Variants in ZBTB21 observed in about 807,000 individuals in gnomAD.
ZBTB21 encodes the protein zinc finger and BTB domain-containing protein 21.
ZBTB21 carries 10 observed loss-of-function variants against 39.8 expected under a neutral mutation model. That is an observed-to-expected ratio of 0.25 (90% CI 0.16 to 0.43). The LOEUF is 0.43. Ranked by LOEUF, ZBTB21 falls within the 20% of genes least tolerant of loss-of-function variation. The probability of loss-of-function intolerance (pLI) is 1.00; values close to 1 mark genes in which losing one functional copy is unlikely to be tolerated. For synonymous variants in ZBTB21, 551 were observed against 498.8 expected (o/e 1.10, Z -1.40); for missense variants, 1,221 against 1,296.3 (o/e 0.94, Z 0.89).
rs759024390 is a variant in ZBTB21, at chr21:42,007,546, T to C, written c.-79+2706A>G. ...GGCTAACTTCTTTCGAAAGATCCAG[T>C]TGAAATGTCACCGACTCTACAAAGC... is the stretch of plus-strand genomic sequence containing the variant. On this transcript the variant is annotated intron_variant, in intron 1 of 2. Transcript: ENST00000310826. 5.8e-4 allele frequency among the ~76,000 whole-genome samples: 89 copies of C among 152,328 alleles called. 1 individual carries two copies. Among genetic ancestry groups the C allele is most frequent in the Non-Finnish European group, 8.7e-4 (59 of 68,022 alleles).
Position 41,992,222 on chromosome 21 carries a change from A to G in ZBTB21, c.1874T>C (p.Ile625Thr). ...DEKFQRKLIDIVREREIKKAL... is the reference protein window; with the variant it reads ...DEKFQRKLIDTVREREIKKAL... ...CTTCTTAATTTCTCTCTCTCTCACT[A>G]TGTCAATCAGCTTTCTTTGGAATTT... Residue 625 changes from isoleucine (I) to threonine (T), a missense_variant, in exon 3 of 3, where the codon ATA (isoleucine) becomes ACA (threonine). Coordinates refer to ENST00000310826, the MANE Select transcript of ZBTB21 (RefSeq NM_001098402.2). This position sits in a 1 kb window ranked among gnomAD's most constrained non-coding sequence, Gnocchi z 4.1. 4 of 1,614,078 alleles carry G rather than the reference A, an allele frequency of 2.5e-6. No homozygotes were observed. Among genetic ancestry groups the G allele is most frequent in the Non-Finnish European group, 3.4e-6 (4 of 1,180,020 alleles).
chr21:42,009,702 G>A (rs2065933938), intron 1 of ZBTB21: 3 of 152,790 alleles, frequency 2.0e-5, no homozygotes, highest in Admixed American at 2.0e-4. Flanking sequence ...CCGGCCACCG[G>A]GCCGAGGACG....
rs538355517 is a variant in ZBTB21 at position 41,992,517 on chromosome 21, A to G, written c.1579T>C (p.Ser527Pro). 10 of 1,614,168 alleles carry G rather than the reference A, an allele frequency of 6.2e-6. No homozygotes were observed. In the African/African-American group the frequency reaches 1.2e-4, roughly 19 times the overall value. Residue 527 changes from serine (S) to proline (P), a missense_variant, in exon 3 of 3, where the codon TCT (serine) becomes CCT (proline). Physicochemically the swap from Ser to Pro is moderately conservative, Grantham distance 74. This residue lies in a region of ZBTB21 where 90 missense variants were observed against 133.1 expected (regional missense o/e 0.68). Coordinates refer to ENST00000310826, the MANE Select transcript of ZBTB21 (RefSeq NM_001098402.2). The surrounding 1 kb of genome is among the most constrained non-coding windows in gnomAD (Gnocchi z 4.1). The stretch of plus-strand genomic sequence containing the variant: ...CCAAATTCGTCTTTATTCAAATCAG[A>G]ATCTGGAAAATCTGCATCAAGGAGA... ...PTLLDADFPD[S>P]DLNKDEFGEL...
intron 2 of ZBTB21, among the ~76,000 whole-genome samples, chr21:41,998,357 A>G (rs770353079): frequency 6.6e-6 from 1 of 151,354 alleles, no homozygotes; most frequent in African/African-American, 2.4e-5. Flanking sequence ...ACGCCCAGCT[A>G]ATTTTTGTAT....
At chr21:41,995,722 G>C (rs376418682) in intron 2 of ZBTB21, among the ~76,000 whole-genome samples, 24 of 152,236 alleles carry the variant, frequency 1.6e-4, no homozygotes, top group African/African-American at 5.1e-4. Flanking sequence ...TCAGACCTTT[G>C]CAGCAGCCCC....
intron 2 of ZBTB21, among the ~76,000 whole-genome samples, chr21:41,997,594 AAAAC>A (rs2065765508): frequency 7.2e-6 from 1 of 137,956 alleles, no homozygotes; most frequent in Non-Finnish European, 1.6e-5. Flanking sequence ...AAAAAACAAA[AAAAC>A]AAAAAAACAA....
At chr21:41,995,387 G>C (rs139338856) in intron 2 of ZBTB21, among the ~76,000 whole-genome samples, 3,348 of 152,308 alleles carry the variant, frequency 0.022, 65 homozygotes, top group Non-Finnish European at 0.033. Flanking sequence ...GACTCGTTAT[G>C]TTTTAGCAAA....
In ZBTB21 at chr21:41,990,433, G is replaced by A. The variant is rs2146271816; in HGVS notation, c.*462C>T. On this transcript the variant is annotated 3_prime_UTR_variant, in exon 3 of 3. Coordinates refer to ENST00000310826, the MANE Select transcript of ZBTB21 (RefSeq NM_001098402.2). The stretch of plus-strand genomic sequence containing the variant: ...ATCTTTTATTGCTAAAGTAGTCTAA[G>A]ATATAAATCAATACTGCAAACTACT... 1 of 152,868 alleles carries A rather than the reference G, an allele frequency of 6.5e-6. No homozygotes were observed. The highest frequency in any genetic ancestry group is 1.5e-5 in the Non-Finnish European group (1 of 68,138). 9.5% of individuals were successfully genotyped at this position (152,868 alleles called of 1,614,324 possible). A position where few individuals can be genotyped will look rare whatever the true frequency, so the allele number is the denominator to read the frequency against.
chr21:41,999,114 A>T (rs940252886), intron 2 of ZBTB21, among the ~76,000 whole-genome samples: 2 of 152,224 alleles, frequency 1.3e-5, no homozygotes, highest in Admixed American at 1.3e-4. Flanking sequence ...TGTTACACGT[A>T]TTGACTCAGC....
At position 41,993,237 on chromosome 21, in the gene ZBTB21, C is replaced by G. The variant is rs775456657; in HGVS notation, c.859G>C (p.Glu287Gln). Residue 287 changes from glutamate (E) to glutamine (Q), a missense_variant, in exon 3 of 3, where the codon GAG becomes CAG. Transcript: ENST00000310826. ...PPVLSVCSSS[E>Q]TPYLLKETNK... ...GTTTCTTTTAATAGATAGGGAGTCT[C>G]TGATGAGCTACAAACAGACAAAACA... The G allele has an allele frequency of 9.9e-6, 16 of 1,611,662 alleles. No individual in the cohort carries two copies. The highest frequency in any genetic ancestry group is 1.4e-5 in the Non-Finnish European group (16 of 1,180,020).
In ZBTB21 at chr21:41,992,209, T is replaced by C. The variant is rs2065670875; in HGVS notation, c.1887A>G (p.Arg629=). 2.5e-6 allele frequency: 4 copies of C among 1,614,132 alleles called. No individual in the cohort carries two copies. The highest frequency in any genetic ancestry group is 3.4e-6 in the Non-Finnish European group (4 of 1,180,008). ...TAATGATCAGGGCCTTCTTAATTTC[T>C]CTCTCTCTCACTATGTCAATCAGCT... ...QRKLIDIVRE[R]EIKKALIIKL... The change falls in exon 3 of 3, where the codon AGA becomes AGG. Residue 629 remains arginine, a synonymous_variant. Coordinates refer to ENST00000310826, the MANE Select transcript of ZBTB21 (RefSeq NM_001098402.2). This position sits in a 1 kb window ranked among gnomAD's most constrained non-coding sequence, Gnocchi z 4.1.
chr21:42,008,813 T>C (rs1379435372), intron 1 of ZBTB21, among the ~76,000 whole-genome samples: 1 of 152,212 alleles, frequency 6.6e-6, no homozygotes, highest in African/African-American at 2.4e-5. Flanking sequence ...TACTTTTAAG[T>C]AAACCAGCAC....
rs1382548175 is a variant in ZBTB21, at chr21:41,990,183, G to T, written c.*712C>A. The T allele has an allele frequency of 6.6e-6, 1 of 152,418 alleles. No homozygotes were observed. The highest frequency in any genetic ancestry group is 2.4e-5 in the African/African-American group (1 of 41,396). The allele number at this position is 152,418 out of a possible 1,614,324, so 9.4% of individuals were successfully genotyped here. A position where few individuals can be genotyped will look rare whatever the true frequency, so the allele number is the denominator to read the frequency against. On this transcript the variant is annotated 3_prime_UTR_variant, in exon 3 of 3. Coordinates refer to ENST00000310826, the MANE Select transcript of ZBTB21 (RefSeq NM_001098402.2). The stretch of plus-strand genomic sequence containing the variant: ...GAAGCCCTTATAAACTGACTGTAGG[G>T]GACTTCCATAAATTGTTTTCATTTC...
At chr21:42,005,503 GCTTTT>G (rs961574022) in intron 1 of ZBTB21, among the ~76,000 whole-genome samples, 379 of 152,168 alleles carry the variant, frequency 2.5e-3, no homozygotes, top group African/African-American at 8.1e-3. Context: ...CAGTTTTTTA[GCTTTT>G]CTTTTAAGTC....
chr21:41,995,076 G>T (rs997903368), intron 2 of ZBTB21, among the ~76,000 whole-genome samples: 2 of 152,138 alleles, frequency 1.3e-5, no homozygotes, highest in African/African-American at 4.8e-5. Context: ...ACCCAGTCTT[G>T]GGTATGTCTT....
At chr21:42,009,871 G>A (rs1227050073) in intron 1 of ZBTB21, among the ~76,000 whole-genome samples, 1 of 152,302 alleles carries the variant, frequency 6.6e-6, no homozygotes, top group East Asian at 1.9e-4. Context: ...TCTCCACGAG[G>A]CGTTTCAACC....
intron 1 of ZBTB21, among the ~76,000 whole-genome samples, chr21:42,003,902 A>G (rs1413561500): frequency 1.3e-5 from 2 of 152,168 alleles, no homozygotes; most frequent in Non-Finnish European, 2.9e-5. Flanking sequence ...TGGAATGGCT[A>G]CAAAACCCTT....
At chr21:42,008,540 C>CAAAAAAA (rs68176203) in intron 1 of ZBTB21, among the ~76,000 whole-genome samples, 143 of 60,110 alleles carry the variant, frequency 2.4e-3, no homozygotes, top group Middle Eastern at 0.012. Context: ...GAAACTCTGT[C>CAAAAAAA]AAAAAAAAAA....
At chr21:42,005,441 C>T (rs2065867639) in intron 1 of ZBTB21, among the ~76,000 whole-genome samples, 2 of 152,212 alleles carry the variant, frequency 1.3e-5, no homozygotes, top group Admixed American at 6.5e-5. Context: ...CTTGCTAGTG[C>T]CTGCTACATA....
Sources: allele counts gnomAD v4.1 joint callset (sites outside exome capture counted in the v4.1 genomes callset), GRCh38; gene constraint gnomAD v4.1.1; regional missense constraint gnomAD v4.1.1; non-coding constraint Gnocchi (gnomAD v3.1); transcripts MANE v1.5; gene names NCBI Gene and HGNC (gene_info 2026-07-23, HGNC 2026-07-21).